The following LPIN1 variants were observed in gnomAD, a reference collection of about 807,000 sequenced individuals.
LPIN1 encodes lipin 1.
A neutral mutation model predicts 107.5 loss-of-function variants in LPIN1; 71 were observed. The ratio of observed to expected loss-of-function variants is 0.66; its 90% CI spans 0.55 to 0.80. The LOEUF (loss-of-function observed/expected upper bound fraction) is 0.80. Among genes scored for constraint, LPIN1 ranks in the 30% least tolerant of loss-of-function variants. The pLI is 0.00. For synonymous variants in LPIN1, 445 were observed against 452.6 expected, an observed-to-expected ratio of 0.98 and a Z score of 0.21; for missense variants, 1,043 against 1,160.6, an observed-to-expected ratio of 0.90 and a Z score of 1.47.
intron 19 of LPIN1, 30 bp downstream of exon 19, chr2:11,819,628 C>G: frequency 4.8e-6 from 7 of 1,449,350 alleles, no homozygotes; most frequent in Non-Finnish European, 6.8e-6. Flanking sequence ...TAGAAGAACC[C>G]TTGAAATGAC....
chr2:11,789,911 A>G (rs1246490805), intron 12 of LPIN1, among the ~76,000 whole-genome samples: 1 of 152,232 alleles, frequency 6.6e-6, no homozygotes, highest in Non-Finnish European at 1.5e-5. Context: ...TTTTGACTAT[A>G]TATGGCATTT....
intron 1 of LPIN1, among the ~76,000 whole-genome samples, chr2:11,686,624 G>C (rs1686072507): frequency 6.6e-6 from 1 of 152,142 alleles, no homozygotes. Flanking sequence ...GGCACCACGG[G>C]CAGAGCACAC....
At chr2:11,767,695 C>G (rs544591195) in intron 2 of LPIN1, 68 bp from the exon 3 acceptor site, 158 of 966,814 alleles carry the variant, frequency 1.6e-4, no homozygotes, top group Admixed American at 2.9e-4. Flanking sequence ...GAGACTTGGC[C>G]GTCCCCATGA....
chr2:11,729,444 T>C (rs1445342637), intron 1 of LPIN1, among the ~76,000 whole-genome samples: 1 of 152,256 alleles, frequency 6.6e-6, no homozygotes, highest in Non-Finnish European at 1.5e-5. Context: ...TACTTTCACA[T>C]ATGCAGTTAA....
intron 11 of LPIN1, among the ~76,000 whole-genome samples, chr2:11,787,737 C>T (rs985536893): frequency 6.6e-6 from 1 of 151,730 alleles, no homozygotes; most frequent in African/African-American, 2.4e-5. Flanking sequence ...GTCAGGAGAT[C>T]GAGACCATCC....
chr2:11,793,981 A>G (rs1676232780), intron 13 of LPIN1, among the ~76,000 whole-genome samples: 1 of 152,218 alleles, frequency 6.6e-6, no homozygotes, highest in Non-Finnish European at 1.5e-5. Context: ...CCACAGGGAC[A>G]ACAGTCAAGT....
chr2:11,765,733 G>A lies in LPIN1; in HGVS notation c.192G>A (p.Val64=), dbSNP rs749161820. The A allele has an allele frequency of 1.2e-6, 2 of 1,609,832 alleles. No homozygotes were observed. Among genetic ancestry groups the A allele is most frequent in the Non-Finnish European group, 1.7e-6 (2 of 1,176,650 alleles). ...GGGTCCTGCGCTCCCGAGAGAAAGTGGTGAGCTCTCAGGGCACGGGGACCT... is the reference window on the plus strand; with the variant it reads ...GGGTCCTGCGCTCCCGAGAGAAAGTAGTGAGCTCTCAGGGCACGGGGACCT... ...KMGVLRSREK[V]VDIEINGESV... Residue 64 remains valine, a splice_region_variant and synonymous_variant, in exon 2 of 21, where the codon GTG becomes GTA. Transcript: ENST00000674199. This position sits in a 1 kb window ranked among gnomAD's most constrained non-coding sequence, Gnocchi z 4.4.
chr2:11,781,443 T>C (rs979816674), intron 7 of LPIN1, among the ~76,000 whole-genome samples: 5 of 152,240 alleles, frequency 3.3e-5, no homozygotes, highest in South Asian at 2.1e-4. Flanking sequence ...TTTGATCAGA[T>C]AGAGAAGTGA....
chr2:11,753,364 T>G (rs1668157770), intron 1 of LPIN1, among the ~76,000 whole-genome samples: 1 of 152,238 alleles, frequency 6.6e-6, no homozygotes. Flanking sequence ...TTTTGTATTT[T>G]GGACGGGAAT....
chr2:11,708,443 C>A (rs1663235947), intron 1 of LPIN1, among the ~76,000 whole-genome samples: 1 of 152,056 alleles, frequency 6.6e-6, no homozygotes, highest in African/African-American at 2.4e-5. Flanking sequence ...AGATGGGAAC[C>A]CTGTACATGT....
intron 14 of LPIN1, among the ~76,000 whole-genome samples, chr2:11,801,487 G>A (rs1677722150): frequency 6.6e-6 from 1 of 152,206 alleles, no homozygotes; most frequent in Non-Finnish European, 1.5e-5. Context: ...TATGTTAAGT[G>A]AAATAAGCCA....
chr2:11,724,471 C>T, exon 1 of LPIN1: 1 of 985,798 alleles, frequency 1.0e-6, no homozygotes, highest in Non-Finnish European at 1.2e-6. Context: ...CAGCAGCCAC[C>T]CAGCAGTGGC....
chr2:11,826,469 G>T lies in LPIN1; in HGVS notation c.*1678G>T, dbSNP rs920395386. 7.5e-6 allele frequency: 1 copy of T among 132,534 alleles called. No homozygotes were observed. Among genetic ancestry groups the T allele is most frequent in the African/African-American group, 2.9e-5 (1 of 34,094 alleles). The allele number at this position is 132,534 out of a possible 1,614,324, so 8.2% of individuals were successfully genotyped here. A position where few individuals can be genotyped will look rare whatever the true frequency, so the allele number is the denominator to read the frequency against. On this transcript the variant is annotated 3_prime_UTR_variant, in exon 21 of 21. Coordinates refer to ENST00000674199, the MANE Select transcript of LPIN1 (RefSeq NM_001349206.2). ...CCTGAGGTTGCAGTGAGCCGAGCTT[G>T]CACTACTGCACTCCAGCCTGGGTGA...
chr2:11,800,174 A>G lies in LPIN1; in HGVS notation c.1887-2733A>G, dbSNP rs73915573. On this transcript the variant is annotated intron_variant, in intron 14 of 20. Transcript: ENST00000674199. ...GTTTGCTGTGCCATCGATGCCTGGC[A>G]TGGTATGCTTGAGTGTCGGTTGAAT... Among the ~76,000 whole-genome samples, 798 of 152,286 alleles carry G rather than the reference A, an allele frequency of 5.2e-3. 6 individuals are homozygous for G. The highest frequency in any genetic ancestry group is 0.019 in the African/African-American group (772 of 41,550).
At chr2:11,810,515 G>A (rs1353327144) in intron 17 of LPIN1, among the ~76,000 whole-genome samples, 1 of 152,212 alleles carries the variant, frequency 6.6e-6, no homozygotes, top group Non-Finnish European at 1.5e-5. Flanking sequence ...GCGCCTGGGA[G>A]GCAACTCACC....
intron 18 of LPIN1, among the ~76,000 whole-genome samples, chr2:11,815,929 G>T (rs1216734068): frequency 6.6e-6 from 1 of 152,130 alleles, no homozygotes; most frequent in African/African-American, 2.4e-5. Flanking sequence ...GAGGCCCAGG[G>T]CAATTTACTA....
At chr2:11,761,481 G>A (rs1669822539) in intron 1 of LPIN1, among the ~76,000 whole-genome samples, 1 of 152,208 alleles carries the variant, frequency 6.6e-6, no homozygotes, top group Non-Finnish European at 1.5e-5. Context: ...TTTACTAAGG[G>A]CTGGGCTTGT....
At chr2:11,735,497 T>G (rs1480215275) in intron 1 of LPIN1, among the ~76,000 whole-genome samples, 1 of 152,234 alleles carries the variant, frequency 6.6e-6, no homozygotes, top group Non-Finnish European at 1.5e-5. Context: ...ATAACTCTCC[T>G]AAGTGTCTTG....
In LPIN1 at chr2:11,782,622, A is replaced by C. The variant is rs145115006; in HGVS notation, c.1264+115A>C. 1,031 of 1,169,806 alleles carry C rather than the reference A, an allele frequency of 8.8e-4. 6 individuals carry two copies. In the African/African-American group the frequency reaches 0.014, roughly 16 times the overall value. 72.5% of individuals were successfully genotyped at this position (1,169,806 alleles called of 1,614,324 possible). A position where few individuals can be genotyped will look rare whatever the true frequency, so the allele number is the denominator to read the frequency against. On this transcript the variant is annotated intron_variant, in intron 8 of 20. Transcript: ENST00000674199. ...ACTGAGGTAGAAACTGAACCGTGACAATGATCATGTTCAGTCTGAGCTCTT... is the reference window on the plus strand; with the variant it reads ...ACTGAGGTAGAAACTGAACCGTGACCATGATCATGTTCAGTCTGAGCTCTT...
Sources: allele counts gnomAD v4.1 joint callset (sites outside exome capture counted in the v4.1 genomes callset), GRCh38; gene constraint gnomAD v4.1.1; non-coding constraint Gnocchi (gnomAD v3.1); transcripts MANE v1.5; gene names NCBI Gene and HGNC (gene_info 2026-07-23, HGNC 2026-07-21).